The following PRKCE variants were observed in gnomAD, a reference collection of about 807,000 sequenced individuals.
The protein encoded by PRKCE is protein kinase C epsilon, also known as protein kinase C epsilon type.
A neutral mutation model predicts 85.4 loss-of-function variants in PRKCE; 16 were observed. The observed-to-expected ratio is 0.19, with a 90% CI of 0.13 to 0.28. The LOEUF (loss-of-function observed/expected upper bound fraction) is 0.28. Ranked by LOEUF, PRKCE falls within the 10% of genes least tolerant of loss-of-function variation. The probability of loss-of-function intolerance (pLI) is 1.00; values close to 1 mark genes in which losing one functional copy is unlikely to be tolerated. For missense variants in PRKCE, 573 were observed against 975.2 expected (o/e 0.59, Z 5.49); for synonymous variants, 388 against 371.5 (o/e 1.04, Z -0.51).
At chr2:45,975,166 G>A (rs952931295) in intron 2 of PRKCE, among the ~76,000 whole-genome samples, 28 of 152,190 alleles carry the variant, frequency 1.8e-4, no homozygotes, top group Non-Finnish European at 1.0e-4. Flanking sequence ...GTAAAATGGG[G>A]CTAATAGCAG....
intron 2 of PRKCE, among the ~76,000 whole-genome samples, chr2:45,956,099 G>C (rs1453561296): frequency 1.3e-5 from 2 of 152,126 alleles, no homozygotes; most frequent in Non-Finnish European, 2.9e-5. Context: ...TTTTCATTTA[G>C]CATGGTGCAT....
chr2:46,183,573 A>G (rs1241955238), intron 14 of PRKCE, among the ~76,000 whole-genome samples: 1 of 152,142 alleles, frequency 6.6e-6, no homozygotes, highest in East Asian at 1.9e-4. Flanking sequence ...GGGACCTGCT[A>G]TTGAAGGCCT....
At chr2:46,000,729 G>C (rs1704611465) in intron 6 of PRKCE, among the ~76,000 whole-genome samples, 4 of 152,176 alleles carry the variant, frequency 2.6e-5, no homozygotes, top group African/African-American at 4.8e-5. Context: ...TCTCAGGCTT[G>C]TCTGCTCTGA....
intron 10 of PRKCE, among the ~76,000 whole-genome samples, chr2:46,017,981 A>T (rs972922993): frequency 1.3e-5 from 2 of 152,078 alleles, no homozygotes; most frequent in African/African-American, 2.4e-5. Context: ...TCACCTCCAA[A>T]TCCCCTCTTC....
At chr2:45,908,035 C>T (rs913091454) in intron 2 of PRKCE, among the ~76,000 whole-genome samples, 5 of 152,028 alleles carry the variant, frequency 3.3e-5, no homozygotes, top group African/African-American at 1.2e-4. Flanking sequence ...AGCAGAAGAC[C>T]TTTGAGGCAT....
chr2:45,687,566 T>C (rs1677395725), intron 1 of PRKCE, among the ~76,000 whole-genome samples: 1 of 152,222 alleles, frequency 6.6e-6, no homozygotes, highest in African/African-American at 2.4e-5. Flanking sequence ...TCCAGAAATG[T>C]TGTCCCACAG....
chr2:46,001,517 A>T lies in PRKCE; in HGVS notation c.937A>T (p.Ile313Phe). The change falls in exon 7 of 15, where the codon ATC becomes TTC. Residue 313 changes from isoleucine to phenylalanine, a missense_variant. Ile to Phe is a conservative substitution (Grantham distance 21). This residue lies in a region of PRKCE where 55 missense variants were observed against 128.1 expected (regional missense o/e 0.43). Transcript: ENST00000306156. This position sits in a 1 kb window ranked among gnomAD's most constrained non-coding sequence, Gnocchi z 4.4. ...CGACCTGGGCGTTACCCCAGACAAA[A>T]TCACCAACAGCGGCCAGAGAAGGAA... is the stretch of plus-strand genomic sequence containing the variant. The part of the protein sequence containing the change: ...LADLGVTPDK[I>F]TNSGQRRKKL... 6.3e-7 allele frequency: 1 copy of T among 1,599,030 alleles called. No individual in the cohort carries two copies. Among genetic ancestry groups the T allele is most frequent in the Non-Finnish European group, 8.5e-7 (1 of 1,179,586 alleles).
chr2:46,019,908 G>A (rs575173513), intron 10 of PRKCE, among the ~76,000 whole-genome samples: 4 of 140,828 alleles, frequency 2.8e-5, no homozygotes, highest in Admixed American at 7.2e-5. Context: ...GGAGTGCAAC[G>A]GCGCAATCTC....
At chr2:45,809,717 CA>C (rs879282588) in intron 1 of PRKCE, among the ~76,000 whole-genome samples, 263 of 136,030 alleles carry the variant, frequency 1.9e-3, no homozygotes, top group Middle Eastern at 3.7e-3. Context: ...AACCCTGTCT[CA>C]AAAAAAAAAA....
chr2:46,006,278 C>T (rs569721039), intron 8 of PRKCE, among the ~76,000 whole-genome samples: 2 of 152,348 alleles, frequency 1.3e-5, no homozygotes, highest in East Asian at 3.9e-4. Context: ...TTCCAAAATT[C>T]ATTTAATAAC....
At chr2:46,125,417 G>A (rs1673753522) in intron 11 of PRKCE, among the ~76,000 whole-genome samples, 1 of 152,188 alleles carries the variant, frequency 6.6e-6, no homozygotes, top group Non-Finnish European at 1.5e-5. Context: ...TAAAATAAAA[G>A]TTTGAATTTG....
chr2:45,770,949 T>C (rs1011393847), intron 1 of PRKCE: 1 of 152,142 alleles, frequency 6.6e-6, no homozygotes, highest in African/African-American at 2.4e-5. Flanking sequence ...AATATTTAAG[T>C]TTGGTCATTG....
rs138867198 is a variant in PRKCE at position 46,070,586 on chromosome 2, T to C, written c.1438-15622T>C. 5.3e-3 allele frequency among the ~76,000 whole-genome samples: 812 copies of C among 151,926 alleles called. 8 individuals carry two copies. Among genetic ancestry groups the C allele is most frequent in the African/African-American group, 0.019 (794 of 41,392 alleles). Reference sequence around the variant, plus strand: ...TGAACCCTGGAGGTGGAGGTTGCAGTGAGCTGAGATCATGCCACTGCACTC... The same window carrying C: ...TGAACCCTGGAGGTGGAGGTTGCAGCGAGCTGAGATCATGCCACTGCACTC... On this transcript the variant is annotated intron_variant, in intron 10 of 14. Coordinates refer to ENST00000306156, the MANE Select transcript of PRKCE (RefSeq NM_005400.3).
At chr2:45,903,277 C>T (rs1208730174) in intron 2 of PRKCE, among the ~76,000 whole-genome samples, 2 of 152,190 alleles carry the variant, frequency 1.3e-5, no homozygotes, top group Non-Finnish European at 2.9e-5. Flanking sequence ...GAAGTTATTC[C>T]TCCATACATT....
chr2:46,065,100 T>C lies in PRKCE; in HGVS notation c.1438-21108T>C, dbSNP rs139714090. On this transcript the variant is annotated intron_variant, in intron 10 of 14. Transcript: ENST00000306156. ...AGCGCTGGCATCACAGATTATACGATAATAATTTACCAAGCTTCTTTTCTG... is the reference window on the plus strand; with the variant it reads ...AGCGCTGGCATCACAGATTATACGACAATAATTTACCAAGCTTCTTTTCTG... Among the ~76,000 whole-genome samples the C allele has an allele frequency of 3.2e-3, 494 of 152,306 alleles. 2 individuals are homozygous for C. Among genetic ancestry groups the C allele is most frequent in the African/African-American group, 0.011 (476 of 41,558 alleles).
rs553553093 is a variant in PRKCE at position 46,185,001 on chromosome 2, C to T, written c.*120C>T. On this transcript the variant is annotated 3_prime_UTR_variant, in exon 15 of 15. Transcript: ENST00000306156. This position sits in a 1 kb window ranked among gnomAD's most constrained non-coding sequence, Gnocchi z 4.7. ...CCTCCTCGGAGCCCCAGTCCCATGT[C>T]CACTGTCTATTTATTGCATTCCCTT... 32 of 1,355,110 alleles carry T rather than the reference C, an allele frequency of 2.4e-5. No individual in the cohort carries two copies. In the South Asian group the frequency reaches 4.3e-4, roughly 18 times the overall value. The allele number at this position is 1,355,110 out of a possible 1,614,324, so 83.9% of individuals were successfully genotyped here. A position where few individuals can be genotyped will look rare whatever the true frequency, so the allele number is the denominator to read the frequency against.
chr2:45,768,244 A>G (rs1213523393), intron 1 of PRKCE, among the ~76,000 whole-genome samples: 2 of 152,354 alleles, frequency 1.3e-5, no homozygotes, highest in African/African-American at 4.8e-5. Flanking sequence ...AGCCTTGAAA[A>G]GCTGTTACAG....
Position 46,001,992 on chromosome 2 carries a change from G to C in PRKCE, c.966+446G>C, listed in dbSNP as rs577551354. On this transcript the variant is annotated intron_variant, in intron 7 of 14. Coordinates refer to ENST00000306156, the MANE Select transcript of PRKCE (RefSeq NM_005400.3). The surrounding 1 kb of genome is among the most constrained non-coding windows in gnomAD (Gnocchi z 4.4). The stretch of plus-strand genomic sequence containing the variant: ...TCTAGGGAGGAAGCCAAGATGATTT[G>C]TGATCATACCAGCACTGAGCTGCCT... Among the ~76,000 whole-genome samples, 9 of 152,322 alleles carry C rather than the reference G, an allele frequency of 5.9e-5. No individual in the cohort carries two copies. The South Asian group carries it at 1.9e-3, about 32-fold the overall frequency.
chr2:45,726,579 T>C (rs1194001445), intron 1 of PRKCE, among the ~76,000 whole-genome samples: 1 of 152,214 alleles, frequency 6.6e-6, no homozygotes, highest in Non-Finnish European at 1.5e-5. Flanking sequence ...CACAATAGAC[T>C]ACATATAGTG....
Sources: gnomAD v4.1 joint callset for allele counts (sites outside exome capture counted in the v4.1 genomes callset) on GRCh38, gnomAD v4.1.1 for gene constraint, gnomAD v4.1.1 regional missense constraint, Gnocchi (gnomAD v3.1) non-coding constraint, MANE v1.5 for transcripts, NCBI Gene and HGNC (gene_info 2026-07-23, HGNC 2026-07-21) for gene names.